DCLK2: variants seen among roughly 807,000 people sequenced by gnomAD.
DCLK2 encodes serine/threonine-protein kinase DCLK2.
Under a neutral mutation model 78.4 loss-of-function variants are expected in DCLK2, and 31 were observed. The ratio of observed to expected loss-of-function variants is 0.40; its 90% CI spans 0.30 to 0.53. The LOEUF (loss-of-function observed/expected upper bound fraction) is 0.53. Ranked by LOEUF, DCLK2 falls within the 20% of genes least tolerant of loss-of-function variation. The pLI, the probability that DCLK2 is intolerant of heterozygous loss-of-function variation, is 0.61. For missense variants in DCLK2, 872 were observed against 973.7 expected (o/e 0.90, Z 1.39); for synonymous variants, 407 against 374.9 (o/e 1.09, Z -0.99).
chr4:150,220,794 A>T lies in DCLK2; in HGVS notation c.1132+16A>T. The T allele has an allele frequency of 6.2e-7, 1 of 1,604,248 alleles. No homozygotes were observed. Among genetic ancestry groups the T allele is most frequent in the Non-Finnish European group, 8.5e-7 (1 of 1,172,270 alleles). On this transcript the variant is annotated intron_variant, in intron 6 of 15. Transcript: ENST00000296550. Reference sequence around the variant, plus strand: ...AGTCCTGAAGGTAGTTCTCAGTCTGATCATTACTTTGATAAAGGAAATCAT... The same window carrying T: ...AGTCCTGAAGGTAGTTCTCAGTCTGTTCATTACTTTGATAAAGGAAATCAT...
intron 1 of DCLK2, among the ~76,000 whole-genome samples, chr4:150,082,827 TGTCTTCTCTCCTTCTGAGCGTTTG>T (rs1265140741): frequency 6.6e-6 from 1 of 152,200 alleles, no homozygotes; most frequent in African/African-American, 2.4e-5. Context: ...CTGTTCCGTG[TGTCTTCTCTCCTTCTGAGCGTTTG>T]GTCTTCTCTC....
At chr4:150,187,982 G>A (rs1483319832) in intron 2 of DCLK2, among the ~76,000 whole-genome samples, 1 of 152,088 alleles carries the variant, frequency 6.6e-6, no homozygotes, top group Non-Finnish European at 1.5e-5. Flanking sequence ...TATACTTTTA[G>A]TAGAGACGGG....
rs1384757886 is a variant in DCLK2 at position 150,139,967 on chromosome 4, C to T, written c.756+37155C>T. Among the ~76,000 whole-genome samples the T allele has an allele frequency of 2.6e-5, 4 of 152,154 alleles. No homozygotes were observed. In the South Asian group the frequency reaches 6.2e-4, roughly 24 times the overall value. On this transcript the variant is annotated intron_variant, in intron 2 of 15. Transcript: ENST00000296550. ...ATTTTGACAAATATAGGCAAATTATCCTTCTAGAATGTCACTGCTTAGTTA... is the reference window on the plus strand; with the variant it reads ...ATTTTGACAAATATAGGCAAATTATTCTTCTAGAATGTCACTGCTTAGTTA...
chr4:150,181,127 G>A (rs966703205), intron 2 of DCLK2, among the ~76,000 whole-genome samples: 1 of 152,106 alleles, frequency 6.6e-6, no homozygotes, highest in African/African-American at 2.4e-5. Flanking sequence ...CTGTATCTTT[G>A]GGTCTTCATT....
chr4:150,172,760 T>TTTTTGG (rs762854376), intron 2 of DCLK2, among the ~76,000 whole-genome samples: 1 of 125,004 alleles, frequency 8.0e-6, no homozygotes, highest in Non-Finnish European at 1.7e-5. Context: ...TTTTTTTTTT[T>TTTTTGG]GGGGGGGGGG....
chr4:150,232,082 T>C (rs893654904), intron 8 of DCLK2, among the ~76,000 whole-genome samples: 3 of 152,200 alleles, frequency 2.0e-5, no homozygotes, highest in Non-Finnish European at 4.4e-5. Context: ...GTATGCTTAA[T>C]ACACCACAGA....
At chr4:150,222,881 A>G (rs1482390823) in intron 7 of DCLK2, among the ~76,000 whole-genome samples, 2 of 151,822 alleles carry the variant, frequency 1.3e-5, no homozygotes, top group African/African-American at 4.8e-5. Context: ...AAAAAAAAAA[A>G]TCACAATCAG....
At chr4:150,229,682 A>G (rs1034439168) in intron 8 of DCLK2, among the ~76,000 whole-genome samples, 20 of 152,174 alleles carry the variant, frequency 1.3e-4, no homozygotes, top group Admixed American at 6.5e-5. Flanking sequence ...ACCATGTCCA[A>G]AGATAAGGCA....
intron 1 of DCLK2, among the ~76,000 whole-genome samples, chr4:150,087,503 A>T (rs1729730650): frequency 6.6e-6 from 1 of 152,236 alleles, no homozygotes; most frequent in African/African-American, 2.4e-5. Context: ...TAATAGAAGA[A>T]AAGGCACGCA....
intron 5 of DCLK2, among the ~76,000 whole-genome samples, chr4:150,220,278 C>G (rs1277778304): frequency 2.0e-5 from 3 of 152,078 alleles, no homozygotes; most frequent in African/African-American, 7.2e-5. Context: ...TGAAAAATTG[C>G]AGTTGTCCAT....
chr4:150,177,461 T>C (rs1737174923), intron 2 of DCLK2, among the ~76,000 whole-genome samples: 1 of 152,176 alleles, frequency 6.6e-6, no homozygotes, highest in Non-Finnish European at 1.5e-5. Context: ...TTCAAACATC[T>C]TTTCCTCCAT....
At chr4:150,105,213 G>A (rs1731170889) in intron 2 of DCLK2, among the ~76,000 whole-genome samples, 1 of 151,990 alleles carries the variant, frequency 6.6e-6, no homozygotes, top group Non-Finnish European at 1.5e-5. Context: ...TAACGTAATG[G>A]GAAAATCACA....
intron 2 of DCLK2, among the ~76,000 whole-genome samples, chr4:150,103,132 T>C (rs1289637485): frequency 6.6e-6 from 1 of 152,204 alleles, no homozygotes; most frequent in Non-Finnish European, 1.5e-5. Flanking sequence ...TTAAATGGCA[T>C]GTCATCTATT....
chr4:150,130,010 A>G (rs1733187059), intron 2 of DCLK2, among the ~76,000 whole-genome samples: 2 of 152,148 alleles, frequency 1.3e-5, no homozygotes, highest in African/African-American at 4.8e-5. Context: ...TTTGAGCTAT[A>G]TCTAGAGCAA....
chr4:150,165,712 G>T (rs1401719047), intron 2 of DCLK2, among the ~76,000 whole-genome samples: 2 of 152,242 alleles, frequency 1.3e-5, no homozygotes, highest in African/African-American at 4.8e-5. Context: ...TACATTTACA[G>T]TGTTACCTAG....
At chr4:150,131,899 T>A (rs1733339381) in intron 2 of DCLK2, among the ~76,000 whole-genome samples, 2 of 152,118 alleles carry the variant, frequency 1.3e-5, no homozygotes, top group African/African-American at 2.4e-5. Context: ...GAATTGGCTA[T>A]GTAATTGTGG....
intron 2 of DCLK2, among the ~76,000 whole-genome samples, chr4:150,103,638 CTTAAT>C (rs1182896181): frequency 6.6e-6 from 1 of 152,072 alleles, no homozygotes; most frequent in East Asian, 1.9e-4. Flanking sequence ...CTGTAACATA[CTTAAT>C]TTATTTTGAA....
At chr4:150,220,366 A>G (rs1426463563) in intron 5 of DCLK2, among the ~76,000 whole-genome samples, 1 of 152,226 alleles carries the variant, frequency 6.6e-6, no homozygotes, top group Non-Finnish European at 1.5e-5. Flanking sequence ...CATTAGAATT[A>G]TCTATAGTTC....
intron 12 of DCLK2, among the ~76,000 whole-genome samples, chr4:150,243,662 ATTCT>A (rs931518426): frequency 2.6e-5 from 4 of 152,114 alleles, no homozygotes; most frequent in East Asian, 1.9e-4. Context: ...AGCATCTTTC[ATTCT>A]TTCTTCCTTC....
Sources: gnomAD v4.1 joint callset for allele counts (sites outside exome capture counted in the v4.1 genomes callset) on GRCh38, gnomAD v4.1.1 for gene constraint, MANE v1.5 for transcripts, NCBI Gene and HGNC (gene_info 2026-07-23, HGNC 2026-07-21) for gene names.